Variants in HACD2 observed in about 807,000 individuals in gnomAD.
HACD2 encodes 3-hydroxyacyl-CoA dehydratase 2.
HACD2 carries 15 observed loss-of-function variants against 31.0 expected under a neutral mutation model. That is an observed-to-expected ratio of 0.48 (90% CI 0.32 to 0.75). The LOEUF is 0.75. Among genes scored for constraint, HACD2 ranks in the 30% least tolerant of loss-of-function variants. The pLI is 0.03. For missense variants in HACD2, 283 were observed against 313.0 expected, an observed-to-expected ratio of 0.90 and a Z score of 0.72; for synonymous variants, 115 against 122.2, an observed-to-expected ratio of 0.94 and a Z score of 0.39.
intron 2 of HACD2, among the ~76,000 whole-genome samples, chr3:123,576,499 T>C (rs1358702374): frequency 6.6e-6 from 1 of 150,950 alleles, no homozygotes; most frequent in Non-Finnish European, 1.5e-5. Context: ...TTTGTTGTCA[T>C]TCCTATTTGT....
rs2055765666 is a variant in HACD2, at chr3:123,491,798, A to C, written c.*3090T>G. ...TTGGTTTTCACAACATAGAAAAAAT[A>C]CAAAAATGACTATATATACGGTTGT... On this transcript the variant is annotated 3_prime_UTR_variant, in exon 7 of 7. Transcript: ENST00000383657. The C allele has an allele frequency of 1.3e-5, 2 of 152,676 alleles. No homozygotes were observed. The highest frequency in any genetic ancestry group is 2.9e-5 in the Non-Finnish European group (2 of 68,054). The allele number at this position is 152,676 out of a possible 1,614,324, so 9.5% of individuals were successfully genotyped here.
At chr3:123,567,852 C>A in intron 2 of HACD2, 72 bp from the exon 3 acceptor site, 1 of 1,013,736 alleles carries the variant, frequency 9.9e-7, no homozygotes, top group Non-Finnish European at 1.4e-6. Context: ...TTCATATAAA[C>A]TAATGTTTCA....
intron 2 of HACD2, among the ~76,000 whole-genome samples, chr3:123,577,183 T>C (rs1361474038): frequency 2.6e-5 from 4 of 152,260 alleles, no homozygotes; most frequent in South Asian, 4.1e-4. Flanking sequence ...AGATGCACAA[T>C]GGTAGGTAAA....
chr3:123,582,493 T>G (rs913947017), intron 1 of HACD2, among the ~76,000 whole-genome samples, 164 bp from the exon 2 acceptor site: 2 of 152,202 alleles, frequency 1.3e-5, no homozygotes, highest in Admixed American at 1.3e-4. Flanking sequence ...TGTAATGCAC[T>G]GAAATGTTGC....
intron 4 of HACD2, among the ~76,000 whole-genome samples, chr3:123,525,312 CCT>C (rs371710245): frequency 2.3e-4 from 35 of 152,114 alleles, no homozygotes; most frequent in African/African-American, 8.2e-4. Flanking sequence ...TCTTTTCTTG[CCT>C]CTGTGTATTG....
intron 6 of HACD2, among the ~76,000 whole-genome samples, chr3:123,496,993 CT>C (rs2055841067): frequency 6.6e-6 from 1 of 152,210 alleles, no homozygotes. Flanking sequence ...GATGATGGCA[CT>C]TTCACTCCTT....
At chr3:123,574,115 A>G (rs369543088) in intron 2 of HACD2, among the ~76,000 whole-genome samples, 33 of 152,346 alleles carry the variant, frequency 2.2e-4, no homozygotes, top group African/African-American at 7.7e-4. Context: ...TTTAACTTCT[A>G]TAGCATTTCT....
intron 2 of HACD2, among the ~76,000 whole-genome samples, chr3:123,573,645 T>G (rs2056877931): frequency 6.6e-6 from 1 of 152,154 alleles, no homozygotes; most frequent in South Asian, 2.1e-4. Flanking sequence ...TTATCACTAA[T>G]AAAGGTGATT....
intron 4 of HACD2, among the ~76,000 whole-genome samples, chr3:123,526,962 A>G (rs1295100030): frequency 2.0e-5 from 3 of 152,256 alleles, no homozygotes; most frequent in Non-Finnish European, 4.4e-5. Context: ...GGGAGGAAGC[A>G]GAGCCCATGA....
chr3:123,580,023 C>CA (rs1358835100), intron 2 of HACD2, among the ~76,000 whole-genome samples: 1 of 152,048 alleles, frequency 6.6e-6, no homozygotes, highest in Non-Finnish European at 1.5e-5. Context: ...AAAAGGTACT[C>CA]AGGCTTCCAG....
chr3:123,554,514 G>GA (rs972342022), intron 3 of HACD2, among the ~76,000 whole-genome samples: 2 of 151,036 alleles, frequency 1.3e-5, no homozygotes, highest in Non-Finnish European at 2.9e-5. Context: ...CCCATCTCTC[G>GA]AAAAAAAATT....
chr3:123,540,510 C>T (rs1450473132), intron 3 of HACD2, among the ~76,000 whole-genome samples: 2 of 152,110 alleles, frequency 1.3e-5, no homozygotes, highest in Non-Finnish European at 2.9e-5. Flanking sequence ...AAAAGGGTGT[C>T]ACGTTTTGAA....
intron 2 of HACD2, among the ~76,000 whole-genome samples, chr3:123,579,537 C>T (rs767596792): frequency 5.3e-5 from 8 of 152,146 alleles, no homozygotes; most frequent in Non-Finnish European, 8.8e-5. Context: ...CTCTTGCCCT[C>T]AAGTGATCCT....
In HACD2 at chr3:123,566,853, A is replaced by G. The variant is rs141266721; in HGVS notation, c.292+909T>C. On this transcript the variant is annotated intron_variant, in intron 3 of 6. Coordinates refer to ENST00000383657, the MANE Select transcript of HACD2 (RefSeq NM_198402.5). ...TGGGACCCTGTCCCTAAAACAACAAAAAAAGAAGGTAATGGAGCCAGATAT... is the reference window on the plus strand; with the variant it reads ...TGGGACCCTGTCCCTAAAACAACAAGAAAAGAAGGTAATGGAGCCAGATAT... Among the ~76,000 whole-genome samples the G allele has an allele frequency of 5.2e-4, 79 of 152,234 alleles. 2 individuals carry two copies. The East Asian group carries it at 0.015, about 29-fold the overall frequency.
intron 3 of HACD2, among the ~76,000 whole-genome samples, chr3:123,546,915 T>C (rs2107726900): frequency 6.6e-6 from 1 of 152,286 alleles, no homozygotes; most frequent in East Asian, 1.9e-4. Flanking sequence ...GGTGTAATAA[T>C]TTTTTTCTGG....
At chr3:123,511,456 T>A (rs1002035123) in intron 4 of HACD2, among the ~76,000 whole-genome samples, 2 of 152,140 alleles carry the variant, frequency 1.3e-5, no homozygotes, top group African/African-American at 4.8e-5. Flanking sequence ...AGAGAACAGA[T>A]AAGGTAAATG....
chr3:123,565,005 G>A (rs1163253072), intron 3 of HACD2, among the ~76,000 whole-genome samples: 2 of 152,076 alleles, frequency 1.3e-5, no homozygotes, highest in Non-Finnish European at 2.9e-5. Context: ...CCTCAGGATG[G>A]ACTATACCAG....
intron 2 of HACD2, among the ~76,000 whole-genome samples, chr3:123,569,863 C>T (rs1403273195): frequency 1.3e-5 from 2 of 151,964 alleles, no homozygotes; most frequent in East Asian, 3.9e-4. Flanking sequence ...GTGGCGCATG[C>T]CTGTAGTCTC....
chr3:123,565,620 T>C (rs1394593888), intron 3 of HACD2, among the ~76,000 whole-genome samples: 1 of 152,182 alleles, frequency 6.6e-6, no homozygotes, highest in African/African-American at 2.4e-5. Context: ...CAATTTATGG[T>C]ATTTTGTTAC....
Sources: allele counts gnomAD v4.1 joint callset (sites outside exome capture counted in the v4.1 genomes callset), GRCh38; gene constraint gnomAD v4.1.1; transcripts MANE v1.5; gene names NCBI Gene and HGNC (gene_info 2026-07-23, HGNC 2026-07-21).